NCOA2: variants seen among roughly 807,000 people sequenced by gnomAD.
NCOA2 encodes the protein class E basic helix-loop-helix protein 75.
NCOA2 carries 21 observed loss-of-function variants against 145.1 expected under a neutral mutation model. The observed-to-expected ratio is 0.14, with a 90% CI of 0.10 to 0.21. The LOEUF is 0.21. Among genes scored for constraint, NCOA2 ranks in the 10% least tolerant of loss-of-function variants. The probability of loss-of-function intolerance (pLI) is 1.00; values close to 1 mark genes in which losing one functional copy is unlikely to be tolerated. For missense variants in NCOA2, 1,472 were observed against 1,837.6 expected (o/e 0.80, Z 3.64); for synonymous variants, 619 against 637.5 (o/e 0.97, Z 0.44).
rs113613722 is a variant in NCOA2 at position 70,248,780 on chromosome 8, A to G, written c.-19-32016T>C. On this transcript the variant is annotated intron_variant, in intron 2 of 22. Transcript: ENST00000452400. ...GGAAAAAAGTCTGCACATGTTCAGT[A>G]CAGACAAAATTTTTTTCTCCCGAGT... Among the ~76,000 whole-genome samples the G allele has an allele frequency of 4.1e-3, 626 of 151,566 alleles. 5 individuals are homozygous for G. The highest frequency in any genetic ancestry group is 0.014 in the African/African-American group (597 of 41,294).
intron 1 of NCOA2, among the ~76,000 whole-genome samples, chr8:70,345,018 G>A (rs565324766): frequency 3.3e-5 from 5 of 151,996 alleles, no homozygotes; most frequent in South Asian, 2.1e-4. Context: ...CCTCAATCAC[G>A]CCTGGAAACA....
intron 1 of NCOA2, among the ~76,000 whole-genome samples, chr8:70,332,411 A>T (rs1807195751): frequency 6.6e-6 from 1 of 152,170 alleles, no homozygotes; most frequent in Non-Finnish European, 1.5e-5. Flanking sequence ...TTATAATATG[A>T]TATTTCTGAC....
rs143276676 is a variant in NCOA2, at chr8:70,115,006, T to C, written c.4384-1363A>G. Among the ~76,000 whole-genome samples, 456 of 152,326 alleles carry C rather than the reference T, an allele frequency of 3.0e-3. 2 individuals are homozygous for C. The highest frequency in any genetic ancestry group is 4.4e-3 in the Non-Finnish European group (296 of 68,028). On this transcript the variant is annotated intron_variant, in intron 22 of 22. Transcript: ENST00000452400. ...AGAACATTTAGCATACTTTATAATA[T>C]AAAGCTGAATAGATATGTATTCCTA... is the stretch of plus-strand genomic sequence containing the variant.
chr8:70,192,021 G>A (rs534129795), intron 4 of NCOA2, among the ~76,000 whole-genome samples: 5 of 152,222 alleles, frequency 3.3e-5, no homozygotes, highest in South Asian at 2.1e-4. Flanking sequence ...CAGCCTGGGC[G>A]AGAGAGTGAG....
chr8:70,332,222 A>G (rs1019262373), intron 1 of NCOA2, among the ~76,000 whole-genome samples: 2 of 152,188 alleles, frequency 1.3e-5, no homozygotes, highest in Non-Finnish European at 2.9e-5. Flanking sequence ...TTGAAAAAGG[A>G]GCAAGTCAAC....
chr8:70,383,609 G>A (rs1372864443), intron 1 of NCOA2, among the ~76,000 whole-genome samples: 9 of 151,984 alleles, frequency 5.9e-5, no homozygotes, highest in Non-Finnish European at 1.3e-4. Flanking sequence ...GGGTTCAAGC[G>A]ATTCTCCTGC....
chr8:70,321,224 T>TA (rs1193672725), intron 1 of NCOA2, among the ~76,000 whole-genome samples: 2 of 152,204 alleles, frequency 1.3e-5, no homozygotes, highest in Non-Finnish European at 2.9e-5. Context: ...TCAAAATTCT[T>TA]AAATTTCAAA....
intron 21 of NCOA2, among the ~76,000 whole-genome samples, chr8:70,123,610 C>T (rs551190735): frequency 5.9e-5 from 9 of 151,634 alleles, no homozygotes; most frequent in African/African-American, 2.2e-4. Context: ...ATTTTAGATA[C>T]TGGTGAATTC....
chr8:70,193,898 GCATCT>G (rs1265025512), intron 4 of NCOA2, among the ~76,000 whole-genome samples: 2 of 152,200 alleles, frequency 1.3e-5, no homozygotes, highest in African/African-American at 4.8e-5. Flanking sequence ...CAGTGGAAAG[GCATCT>G]CAGTGATGAA....
upstream of NCOA2, chr8:70,403,847 C>CCCTCCT (rs528610374): frequency 0.017 from 6,283 of 373,334 alleles, 51 homozygotes; most frequent in South Asian, 0.035. Flanking sequence ...TCCCCCAACT[C>CCCTCCT]CCTCCTCCTC....
At chr8:70,434,145 C>G in the NCOA2 span, among the ~76,000 whole-genome samples, 4 of 151,994 alleles carry the variant, frequency 2.6e-5, no homozygotes, top group African/African-American at 9.7e-5. Context: ...AGGAGGAGCT[C>G]CAAAATAATA....
chr8:70,332,531 C>G (rs1208677434), intron 1 of NCOA2, among the ~76,000 whole-genome samples: 1 of 152,104 alleles, frequency 6.6e-6, no homozygotes, highest in South Asian at 2.1e-4. Flanking sequence ...TCCCCTTTGA[C>G]TATTTTAGTC....
chr8:70,293,360 T>A (rs1237752582), intron 2 of NCOA2, among the ~76,000 whole-genome samples: 1 of 152,210 alleles, frequency 6.6e-6, no homozygotes, highest in African/African-American at 2.4e-5. Context: ...AAATATTCAT[T>A]TGAAATGTAT....
chr8:70,320,282 T>A (rs929921644), intron 1 of NCOA2, among the ~76,000 whole-genome samples: 1 of 152,228 alleles, frequency 6.6e-6, no homozygotes, highest in East Asian at 1.9e-4. Flanking sequence ...TGAGAAAAAG[T>A]GTTCTAAAAA....
intron 13 of NCOA2, among the ~76,000 whole-genome samples, chr8:70,142,581 C>A (rs781415842): frequency 5.3e-5 from 8 of 152,050 alleles, no homozygotes; most frequent in Non-Finnish European, 7.4e-5. Context: ...TGCCTGTAGT[C>A]CCAATTACTC....
chr8:70,212,848 G>A (rs888757279), intron 4 of NCOA2, among the ~76,000 whole-genome samples: 3 of 152,062 alleles, frequency 2.0e-5, no homozygotes, highest in Non-Finnish European at 2.9e-5. Flanking sequence ...TTGGGAGGCC[G>A]AGGCAGGAGG....
In NCOA2 at chr8:70,166,723, C is replaced by T. The variant is rs756704775; in HGVS notation, c.573G>A (p.Pro191=). 3.8e-5 allele frequency: 62 copies of T among 1,613,824 alleles called. No homozygotes were observed. Among genetic ancestry groups the T allele is most frequent in the African/African-American group, 3.6e-4 (27 of 74,906 alleles). ...AATTGAAGGTATGGCTGTTCCGCCT[C>T]GGAGGTTCGCCAGACCAAGATCCCC... ...VNGGSWSGEP[P]RRNSHTFNCR... is the part of the protein sequence containing the mutation. Residue 191 remains proline, a synonymous_variant, in exon 7 of 23, where the codon CCG becomes CCA. Coordinates refer to ENST00000452400, the MANE Select transcript of NCOA2 (RefSeq NM_006540.4).
chr8:70,244,649 A>C (rs1221846055), intron 2 of NCOA2, among the ~76,000 whole-genome samples: 1 of 152,168 alleles, frequency 6.6e-6, no homozygotes, highest in Non-Finnish European at 1.5e-5. Context: ...AGAAAGATAA[A>C]GCTTATAGTT....
At chr8:70,334,334 C>G (rs73288540) in intron 1 of NCOA2, among the ~76,000 whole-genome samples, 5,196 of 152,254 alleles carry the variant, frequency 0.034, 328 homozygotes, top group African/African-American at 0.12. Context: ...AATGCACTGT[C>G]TTCCCACACT....
Sources: gnomAD v4.1 joint callset for allele counts (sites outside exome capture counted in the v4.1 genomes callset) on GRCh38, gnomAD v4.1.1 for gene constraint, MANE v1.5 for transcripts, NCBI Gene and HGNC (gene_info 2026-07-23, HGNC 2026-07-21) for gene names.